NEO1: variants seen among roughly 807,000 people sequenced by gnomAD.
NEO1 encodes the protein neogenin 1, also known as neogenin.
A neutral mutation model predicts 159.7 loss-of-function variants in NEO1; 63 were observed. That is an observed-to-expected ratio of 0.39 (90% confidence interval 0.32 to 0.49). The LOEUF (loss-of-function observed/expected upper bound fraction) is 0.49, where lower values mean the gene tolerates loss of function less well. Among genes scored for constraint, NEO1 ranks in the 20% least tolerant of loss-of-function variants. The pLI, the probability that NEO1 is intolerant of heterozygous loss-of-function variation, is 0.85. For missense variants in NEO1, 1,615 were observed against 1,831.0 expected (o/e 0.88, Z 2.15); for synonymous variants, 633 against 662.0 (o/e 0.96, Z 0.67).
chr15:73,097,294 T>A (rs978531696), intron 1 of NEO1, among the ~76,000 whole-genome samples: 1 of 152,018 alleles, frequency 6.6e-6, no homozygotes, highest in Admixed American at 6.6e-5. Context: ...TAAATTTTTA[T>A]CTTTTAATTT....
At chr15:73,135,232 T>G (rs1316745141) in intron 4 of NEO1, among the ~76,000 whole-genome samples, 1 of 152,206 alleles carries the variant, frequency 6.6e-6, no homozygotes, top group East Asian at 1.9e-4. Context: ...TAAATCGGCT[T>G]AAATAACTCT....
chr15:73,162,939 G>A, intron 5 of NEO1: 1 of 178,142 alleles, frequency 5.6e-6, no homozygotes, highest in Non-Finnish European at 1.2e-5. Context: ...ATGGGGTGGT[G>A]GCACACACTT....
chr15:73,213,684 G>T (rs7175611), intron 7 of NEO1, among the ~76,000 whole-genome samples: 1 of 152,110 alleles, frequency 6.6e-6, no homozygotes, highest in South Asian at 2.1e-4. Flanking sequence ...GGGCATTTGG[G>T]TTGGTTCCAC....
chr15:73,167,527 C>G (rs931550428), intron 5 of NEO1, among the ~76,000 whole-genome samples: 11 of 152,100 alleles, frequency 7.2e-5, no homozygotes, highest in Admixed American at 2.6e-4. Context: ...GGTCCATGTT[C>G]AAAAGAATTG....
chr15:73,177,619 T>G (rs2035354464), intron 6 of NEO1, among the ~76,000 whole-genome samples: 1 of 152,170 alleles, frequency 6.6e-6, no homozygotes, highest in South Asian at 2.1e-4. Context: ...TGATCATAGC[T>G]CACCACAGCC....
chr15:73,073,754 G>T (rs1347745685), intron 1 of NEO1, among the ~76,000 whole-genome samples: 1 of 152,098 alleles, frequency 6.6e-6, no homozygotes, highest in Admixed American at 6.5e-5. Context: ...TTGAGGAATT[G>T]GTTGACCAGA....
Position 73,273,985 on chromosome 15 carries a change from T to G in NEO1, c.3140T>G (p.Val1047Gly). ...SKGMGPMSEA[V>G]QFRTPKADSS... is the part of the protein sequence containing the mutation. Reference sequence around the variant, plus strand: ...GGCATGGGACCCATGTCTGAAGCTGTCCAATTCAGAACACCTAAAGGTAAT... The same window carrying G: ...GGCATGGGACCCATGTCTGAAGCTGGCCAATTCAGAACACCTAAAGGTAAT... The change falls in exon 20 of 29, where the codon GTC (valine) becomes GGC (glycine). Residue 1047 changes from valine to glycine, a missense_variant. Coordinates refer to ENST00000261908, the MANE Select transcript of NEO1 (RefSeq NM_002499.4). The G allele has an allele frequency of 6.2e-7, 1 of 1,613,952 alleles. No individual in the cohort carries two copies. Among genetic ancestry groups the G allele is most frequent in the Non-Finnish European group, 8.5e-7 (1 of 1,179,932 alleles).
At chr15:73,060,133 T>C (rs554054763) in intron 1 of NEO1, among the ~76,000 whole-genome samples, 1 of 152,360 alleles carries the variant, frequency 6.6e-6, no homozygotes, top group African/African-American at 2.4e-5. Context: ...TAACAAATTA[T>C]AAGTTTCATT....
Position 73,228,465 on chromosome 15 carries a change from G to GT in NEO1, c.1292-7868dup, listed in dbSNP as rs377106378. On this transcript the variant is annotated intron_variant, in intron 7 of 28. Transcript: ENST00000261908. ...AGTTCATTATGTATTTTGGGTATAA[G>GT]TTTTTTTTTTTTTTATCAGATACAT... Among the ~76,000 whole-genome samples the GT allele has an allele frequency of 5.6e-3, 761 of 134,964 alleles. 7 individuals carry two copies. Among genetic ancestry groups the GT allele is most frequent in the African/African-American group, 0.015 (541 of 35,646 alleles). 88.5% of individuals were successfully genotyped at this position (134,964 alleles called of 152,430 possible).
chr15:73,267,393 CT>C (rs538902832), intron 16 of NEO1, among the ~76,000 whole-genome samples: 2 of 151,602 alleles, frequency 1.3e-5, no homozygotes, highest in Non-Finnish European at 2.9e-5. Context: ...AATTTTTTTT[CT>C]TTTTTTTATT....
intron 25 of NEO1, among the ~76,000 whole-genome samples, chr15:73,292,796 T>G (rs2042208295): frequency 6.6e-6 from 1 of 152,208 alleles, no homozygotes; most frequent in African/African-American, 2.4e-5. Flanking sequence ...ACCATCAGAG[T>G]TCAATTCCAT....
At chr15:73,139,307 C>T (rs745390199) in intron 5 of NEO1, among the ~76,000 whole-genome samples, 13 of 151,810 alleles carry the variant, frequency 8.6e-5, no homozygotes, top group Non-Finnish European at 1.3e-4. Flanking sequence ...ACACAGGCAA[C>T]GAAAGCAAAA....
intron 7 of NEO1, among the ~76,000 whole-genome samples, chr15:73,213,912 C>T (rs557558568): frequency 1.2e-4 from 19 of 152,238 alleles, no homozygotes; most frequent in Admixed American, 2.6e-4. Context: ...CCCTGTTCAC[C>T]GCATCCATGA....
At chr15:73,276,084 A>AAT (rs1245362502) in intron 21 of NEO1, among the ~76,000 whole-genome samples, 2 of 152,140 alleles carry the variant, frequency 1.3e-5, no homozygotes, top group Non-Finnish European at 2.9e-5. Flanking sequence ...AAATACCCAT[A>AAT]ATATATATAT....
chr15:73,274,668 C>T (rs770677245), intron 20 of NEO1, 24 bp from the exon 21 acceptor site: 13 of 1,612,806 alleles, frequency 8.1e-6, no homozygotes, highest in Admixed American at 1.7e-5. Context: ...CTTGTTTTTT[C>T]TTCCCCTGTG....
chr15:73,239,332 T>TTC (rs1259257482), intron 8 of NEO1, among the ~76,000 whole-genome samples: 1 of 152,188 alleles, frequency 6.6e-6, no homozygotes, highest in Non-Finnish European at 1.5e-5. Context: ...TCCATCACAC[T>TTC]TCTAGGTAAC....
chr15:73,118,079 C>G (rs1270996588), intron 2 of NEO1, among the ~76,000 whole-genome samples: 1 of 152,126 alleles, frequency 6.6e-6, no homozygotes, highest in African/African-American at 2.4e-5. Flanking sequence ...TTAAATATCT[C>G]TTATCTGGGC....
intron 5 of NEO1, among the ~76,000 whole-genome samples, chr15:73,143,901 T>A (rs1399412686): frequency 6.6e-6 from 1 of 152,192 alleles, no homozygotes; most frequent in Non-Finnish European, 1.5e-5. Flanking sequence ...TCTTACTGAT[T>A]TGTTTATATG....
intron 19 of NEO1, 31 bp downstream of exon 19, chr15:73,272,593 T>A: frequency 6.9e-7 from 1 of 1,440,934 alleles, no homozygotes. Context: ...CATTTCTTTG[T>A]GCGCTCTTCC....
Sources: gnomAD v4.1 joint callset for allele counts (sites outside exome capture counted in the v4.1 genomes callset) on GRCh38, gnomAD v4.1.1 for gene constraint, MANE v1.5 for transcripts, NCBI Gene and HGNC (gene_info 2026-07-23, HGNC 2026-07-21) for gene names.